UVRAG: variants seen among roughly 807,000 people sequenced by gnomAD.
The protein encoded by UVRAG is UV radiation resistance associated.
UVRAG carries 19 observed loss-of-function variants against 78.0 expected under a neutral mutation model. The ratio of observed to expected loss-of-function variants is 0.24; its 90% CI spans 0.17 to 0.36. The LOEUF (loss-of-function observed/expected upper bound fraction) is 0.36, where lower values mean the gene tolerates loss of function less well. Ranked by LOEUF, UVRAG falls within the 10% of genes least tolerant of loss-of-function variation. The probability of loss-of-function intolerance (pLI) is 1.00; values close to 1 mark genes in which losing one functional copy is unlikely to be tolerated. For synonymous variants in UVRAG, 323 were observed against 324.6 expected (o/e 1.00, Z 0.05); for missense variants, 740 against 853.8 (o/e 0.87, Z 1.66).
intron 13 of UVRAG, among the ~76,000 whole-genome samples, chr11:76,081,574 CTT>C (rs1951494763): frequency 6.6e-6 from 1 of 151,994 alleles, no homozygotes; most frequent in Non-Finnish European, 1.5e-5. Context: ...AGTAAATAAT[CTT>C]TTCATTTCCT....
chr11:76,055,075 A>G (rs1258441676), intron 12 of UVRAG, among the ~76,000 whole-genome samples: 4 of 152,108 alleles, frequency 2.6e-5, no homozygotes, highest in Non-Finnish European at 5.9e-5. Flanking sequence ...GCTGCCTACG[A>G]TTAATCCTGT....
intron 13 of UVRAG, among the ~76,000 whole-genome samples, chr11:76,108,086 G>A (rs974957368): frequency 2.0e-5 from 3 of 152,032 alleles, no homozygotes; most frequent in Non-Finnish European, 4.4e-5. Flanking sequence ...ATAACACACG[G>A]TTTGTATCAA....
At chr11:75,817,091 G>T (rs73489916) in intron 1 of UVRAG, among the ~76,000 whole-genome samples, 4,344 of 152,212 alleles carry the variant, frequency 0.029, 206 homozygotes, top group African/African-American at 0.099. Context: ...TACAGGGAGA[G>T]GGTAGAAGTC....
At chr11:76,005,070 A>AT in intron 9 of UVRAG, among the ~76,000 whole-genome samples, 1 of 151,456 alleles carries the variant, frequency 6.6e-6, no homozygotes, top group Non-Finnish European at 1.5e-5. Flanking sequence ...CTGGCCGGGC[A>AT]TGGTGGCTCA....
intron 13 of UVRAG, among the ~76,000 whole-genome samples, chr11:76,091,327 A>G (rs766307050): frequency 1.8e-4 from 27 of 152,098 alleles, no homozygotes; most frequent in Non-Finnish European, 3.1e-4. Flanking sequence ...TTTGTGCCCA[A>G]TGTTCTGAAA....
At position 76,082,704 on chromosome 11, in the gene UVRAG, G is replaced by A. The variant is rs558634593; in HGVS notation, c.1305+16916G>A. Among the ~76,000 whole-genome samples the A allele has an allele frequency of 3.9e-5, 6 of 152,220 alleles. No homozygotes were observed. In the East Asian group the frequency reaches 7.7e-4, roughly 20 times the overall value. ...AAGAAAAAGAATTTTCAGCTAGAGCGCTTAAGCATTGTCTTAGCTTTACAC... is the reference window on the plus strand; with the variant it reads ...AAGAAAAAGAATTTTCAGCTAGAGCACTTAAGCATTGTCTTAGCTTTACAC... On this transcript the variant is annotated intron_variant, in intron 13 of 14. Transcript: ENST00000356136.
At chr11:75,949,782 T>TATACAC (rs1948655059) in intron 6 of UVRAG, among the ~76,000 whole-genome samples, 1 of 150,224 alleles carries the variant, frequency 6.7e-6, no homozygotes, top group African/African-American at 2.5e-5. Flanking sequence ...CACATATATA[T>TATACAC]ACACACACAC....
intron 13 of UVRAG, among the ~76,000 whole-genome samples, chr11:76,089,430 C>G: frequency 6.6e-6 from 1 of 151,966 alleles, no homozygotes; most frequent in East Asian, 1.9e-4. Flanking sequence ...GAATTACTGG[C>G]TTATATGTAA....
chr11:75,946,499 T>C (rs1455168178), intron 6 of UVRAG, among the ~76,000 whole-genome samples: 1 of 152,240 alleles, frequency 6.6e-6, no homozygotes, highest in Non-Finnish European at 1.5e-5. Flanking sequence ...TCTCGGTTTC[T>C]TCTTTAGGCC....
In UVRAG at chr11:75,950,765, CATTTTG is replaced by C. The variant is rs1948677057; in HGVS notation, c.594-10667_594-10662del. On this transcript the variant is annotated intron_variant, in intron 6 of 14. Transcript: ENST00000356136. The stretch of plus-strand genomic sequence containing the variant: ...TTATAATAGGCTTGTAGTAGTGTAT[CATTTTG>C]ATTTTGATTTTTACTTTTATAATGA... 3.9e-5 allele frequency among the ~76,000 whole-genome samples: 6 copies of C among 152,188 alleles called. No homozygotes were observed. In the South Asian group the frequency reaches 1.2e-3, roughly 32 times the overall value.
chr11:75,894,853 T>A (rs997581957), intron 5 of UVRAG, among the ~76,000 whole-genome samples: 7 of 150,146 alleles, frequency 4.7e-5, no homozygotes, highest in Non-Finnish European at 1.0e-4. Flanking sequence ...GATTTCTAAT[T>A]AGCAGAGGAA....
At position 75,912,187 on chromosome 11, in the gene UVRAG, C is replaced by G. The variant is rs1947755376; in HGVS notation, c.593+148C>G. The G allele has an allele frequency of 1.6e-6, 1 of 613,954 alleles. No individual in the cohort carries two copies. Among genetic ancestry groups the G allele is most frequent in the Non-Finnish European group, 2.9e-6 (1 of 349,880 alleles). 38.0% of individuals were successfully genotyped at this position (613,954 alleles called of 1,614,324 possible). A position where few individuals can be genotyped will look rare whatever the true frequency, so the allele number is the denominator to read the frequency against. On this transcript the variant is annotated intron_variant, in intron 6 of 14. Coordinates refer to ENST00000356136, the MANE Select transcript of UVRAG (RefSeq NM_003369.4). ...AGTGCAAGCGTCATAAATTTTGTAGCTACAGTGATTTAAATTTATCTATTT... is the reference window on the plus strand; with the variant it reads ...AGTGCAAGCGTCATAAATTTTGTAGGTACAGTGATTTAAATTTATCTATTT...
chr11:75,957,080 T>G (rs2135188570), intron 6 of UVRAG, among the ~76,000 whole-genome samples: 1 of 152,232 alleles, frequency 6.6e-6, no homozygotes, highest in African/African-American at 2.4e-5. Flanking sequence ...AAAGTCTAAT[T>G]TATTCCTTTT....
chr11:75,875,353 G>T (rs943386114), intron 3 of UVRAG, among the ~76,000 whole-genome samples: 5 of 151,996 alleles, frequency 3.3e-5, no homozygotes, highest in Non-Finnish European at 5.9e-5. Context: ...ACTCTGATTT[G>T]TGAAGAGTAT....
chr11:76,076,993 G>A (rs984734306), intron 13 of UVRAG, among the ~76,000 whole-genome samples: 1 of 149,936 alleles, frequency 6.7e-6, no homozygotes, highest in Non-Finnish European at 1.5e-5. Context: ...CTCCAGCCTG[G>A]GCGACATGGC....
chr11:75,959,993 A>G (rs1948879524), intron 6 of UVRAG, among the ~76,000 whole-genome samples: 1 of 152,214 alleles, frequency 6.6e-6, no homozygotes, highest in Non-Finnish European at 1.5e-5. Flanking sequence ...TTATACGGGT[A>G]CAGCTCGTGG....
chr11:76,056,359 A>T (rs1950984664), intron 12 of UVRAG, among the ~76,000 whole-genome samples: 1 of 152,232 alleles, frequency 6.6e-6, no homozygotes, highest in Non-Finnish European at 1.5e-5. Flanking sequence ...TCTTGGGTAA[A>T]TACGCAGGAA....
chr11:75,944,832 T>C (rs781046533), intron 6 of UVRAG, among the ~76,000 whole-genome samples: 2 of 152,162 alleles, frequency 1.3e-5, no homozygotes, highest in Non-Finnish European at 2.9e-5. Context: ...TATAGTCTTA[T>C]ACTTGAGTCC....
intron 12 of UVRAG, among the ~76,000 whole-genome samples, chr11:76,060,827 C>T (rs979005720): frequency 6.6e-5 from 10 of 152,236 alleles, no homozygotes; most frequent in East Asian, 3.9e-4. Flanking sequence ...ACCTGCAGCC[C>T]GCCATGCCTG....
Sources: allele counts gnomAD v4.1 joint callset (sites outside exome capture counted in the v4.1 genomes callset), GRCh38; gene constraint gnomAD v4.1.1; transcripts MANE v1.5; gene names NCBI Gene and HGNC (gene_info 2026-07-23, HGNC 2026-07-21).